PCDH15: variants seen among roughly 807,000 people sequenced by gnomAD.
PCDH15 encodes the protein protocadherin-15.
Under a neutral mutation model 178.5 loss-of-function variants are expected in PCDH15, and 129 were observed. The ratio of observed to expected loss-of-function variants is 0.72; its 90% confidence interval spans 0.63 to 0.84. The LOEUF (loss-of-function observed/expected upper bound fraction) is 0.84, where lower values mean the gene tolerates loss of function less well. PCDH15 is among the 40% of genes least tolerant of loss of function. PCDH15 has a pLI of 0.00. For synonymous variants in PCDH15, 800 were observed against 732.0 expected (o/e 1.09, Z -1.50); for missense variants, 2,230 against 2,099.9 (o/e 1.06, Z -1.21).
intron 27 of PCDH15, among the ~76,000 whole-genome samples, chr10:53,860,945 A>G (rs535291608): frequency 7.9e-5 from 12 of 152,114 alleles, no homozygotes; most frequent in Non-Finnish European, 1.5e-4. Context: ...AAGTCGCACT[A>G]CCGGGAGTAG....
intron 18 of PCDH15, among the ~76,000 whole-genome samples, chr10:54,032,166 C>A (rs528410214): frequency 6.6e-6 from 1 of 151,934 alleles, no homozygotes; most frequent in East Asian, 1.9e-4. Context: ...GCCATACTAA[C>A]CATGCTATTT....
chr10:55,511,824 C>T (rs181208014), intron 2 of PCDH15, among the ~76,000 whole-genome samples: 423 of 152,080 alleles, frequency 2.8e-3, no homozygotes, highest in African/African-American at 9.5e-3. Context: ...AGTAGACTGA[C>T]TATAAAATAT....
chr10:53,984,119 TTTC>T (rs1188903625), intron 21 of PCDH15, among the ~76,000 whole-genome samples: 3 of 92,534 alleles, frequency 3.2e-5, no homozygotes, highest in African/African-American at 1.3e-4. Flanking sequence ...TCTAAGTGCT[TTTC>T]TTTTTTTTTT....
chr10:54,215,904 C>G lies in PCDH15; in HGVS notation c.986-1856G>C, dbSNP rs529911603. The stretch of plus-strand genomic sequence containing the variant: ...AAAAAAATACAAAAAATTAGCCAGC[C>G]TGGTGGCGGGCGCCTGTAGTCCCAG... On this transcript the variant is annotated intron_variant, in intron 9 of 37. Transcript: ENST00000644397. 7.3e-5 allele frequency among the ~76,000 whole-genome samples: 11 copies of G among 151,702 alleles called. No homozygotes were observed. In the East Asian group the frequency reaches 2.1e-3, roughly 30 times the overall value.
intron 2 of PCDH15, among the ~76,000 whole-genome samples, chr10:55,339,411 T>C (rs1415395176): frequency 1.3e-5 from 2 of 152,022 alleles, no homozygotes; most frequent in African/African-American, 4.8e-5. Context: ...GTTCTGTACA[T>C]GGAACATGTA....
intron 37 of PCDH15, chr10:53,807,957 A>T (rs2075718103): frequency 2.0e-5 from 3 of 152,146 alleles, no homozygotes. Flanking sequence ...CATTTTTGGA[A>T]TATGTGAACT....
chr10:54,259,434 T>G (rs2043995), intron 8 of PCDH15, among the ~76,000 whole-genome samples: 104,190 of 151,916 alleles, frequency 0.69, 36,700 homozygotes, highest in Middle Eastern at 0.76. Context: ...GCAAAATCAA[T>G]GTAAGGATAA....
intron 8 of PCDH15, among the ~76,000 whole-genome samples, chr10:54,284,800 C>A (rs2058932248): frequency 6.6e-6 from 1 of 152,096 alleles, no homozygotes; most frequent in Admixed American, 6.6e-5. Context: ...TATCTAAGAC[C>A]CTTTTGCCTT....
chr10:54,392,207 G>A (rs1215691238), intron 3 of PCDH15, among the ~76,000 whole-genome samples: 1 of 152,012 alleles, frequency 6.6e-6, no homozygotes, highest in African/African-American at 2.4e-5. Context: ...GCTTACACCT[G>A]TAATCACAAC....
chr10:54,884,322 C>T (rs1299754718), intron 3 of PCDH15, among the ~76,000 whole-genome samples: 1 of 65,682 alleles, frequency 1.5e-5, no homozygotes, highest in Non-Finnish European at 2.9e-5. Flanking sequence ...AAGAGAGACA[C>T]ATTAAATCAA....
At chr10:54,707,274 T>A (rs572942005) in intron 1 of PCDH15, among the ~76,000 whole-genome samples, 1 of 152,276 alleles carries the variant, frequency 6.6e-6, no homozygotes, top group African/African-American at 2.4e-5. Context: ...TAAAGTTTCT[T>A]AGGAAAAATG....
intron 4 of PCDH15, among the ~76,000 whole-genome samples, chr10:54,371,997 CT>C (rs1297767926): frequency 6.6e-6 from 1 of 151,720 alleles, no homozygotes; most frequent in Non-Finnish European, 1.5e-5. Flanking sequence ...TAGAAGTTTC[CT>C]GGAAAGAATT....
chr10:55,572,335 A>C (rs1842421175), intron 2 of PCDH15, among the ~76,000 whole-genome samples: 1 of 151,708 alleles, frequency 6.6e-6, no homozygotes, highest in Non-Finnish European at 1.5e-5. Context: ...GCTCCAATAC[A>C]TTCTGTCTCC....
chr10:55,321,299 A>T (rs969093374), upstream of PCDH15, among the ~76,000 whole-genome samples: 41 of 152,158 alleles, frequency 2.7e-4, no homozygotes, highest in African/African-American at 8.7e-4. Context: ...AAACATTTTT[A>T]AAAAATAAAG....
intron 3 of PCDH15, among the ~76,000 whole-genome samples, chr10:54,845,166 C>T (rs967743800): frequency 1.3e-5 from 2 of 150,478 alleles, no homozygotes; most frequent in Admixed American, 6.6e-5. Flanking sequence ...TAATTACTTA[C>T]CTGAATGTTC....
intron 26 of PCDH15, among the ~76,000 whole-genome samples, chr10:53,880,192 G>A (rs928888340): frequency 1.3e-5 from 2 of 152,090 alleles, no homozygotes; most frequent in African/African-American, 4.8e-5. Context: ...TACATATAAT[G>A]AAGACTTCAC....
chr10:54,329,124 C>A (rs755162085), intron 7 of PCDH15, among the ~76,000 whole-genome samples: 16 of 151,758 alleles, frequency 1.1e-4, no homozygotes, highest in Non-Finnish European at 2.1e-4. Flanking sequence ...AAATGATAGC[C>A]ATGAGGAAGA....
intron 2 of PCDH15, among the ~76,000 whole-genome samples, chr10:55,105,783 T>G (rs570163716): frequency 6.6e-6 from 1 of 152,174 alleles, no homozygotes; most frequent in African/African-American, 2.4e-5. Flanking sequence ...ATACATTTAA[T>G]ATTGGATAAT....
intron 2 of PCDH15, among the ~76,000 whole-genome samples, chr10:55,579,524 T>C (rs1426818374): frequency 6.6e-6 from 1 of 152,202 alleles, no homozygotes; most frequent in Admixed American, 6.5e-5. Flanking sequence ...GACTTTCTGT[T>C]CCTCAAGATT....
Sources: gnomAD v4.1 joint callset for allele counts (sites outside exome capture counted in the v4.1 genomes callset) on GRCh38, gnomAD v4.1.1 for gene constraint, MANE v1.5 for transcripts, NCBI Gene and HGNC (gene_info 2026-07-23, HGNC 2026-07-21) for gene names.